Variants in PRDM15 observed in about 807,000 individuals in gnomAD.
The protein encoded by PRDM15 is PR domain zinc finger protein 15.
Under a neutral mutation model 128.6 loss-of-function variants are expected in PRDM15, and 64 were observed. That is an observed-to-expected ratio of 0.50 (90% CI 0.41 to 0.61). The LOEUF (loss-of-function observed/expected upper bound fraction) is 0.61, where lower values mean the gene tolerates loss of function less well. Ranked by LOEUF, PRDM15 falls within the 20% of genes least tolerant of loss-of-function variation. The pLI, the probability that PRDM15 is intolerant of heterozygous loss-of-function variation, is 0.00. For synonymous variants in PRDM15, 615 were observed against 621.8 expected (o/e 0.99, Z 0.16); for missense variants, 1,242 against 1,569.1 (o/e 0.79, Z 3.52).
chr21:41,809,951 G>A (rs1408159136), intron 21 of PRDM15, among the ~76,000 whole-genome samples: 5 of 152,178 alleles, frequency 3.3e-5, no homozygotes, highest in South Asian at 2.1e-4. Context: ...GCAAAGGTCC[G>A]CCTGAGGCTC....
intron 4 of PRDM15, among the ~76,000 whole-genome samples, chr21:41,855,524 G>A (rs1372084415): frequency 2.6e-5 from 4 of 152,130 alleles, no homozygotes; most frequent in Non-Finnish European, 5.9e-5. Flanking sequence ...CTCCAAAGAC[G>A]GAGCCCTTGG....
In PRDM15 at chr21:41,845,868, G is replaced by A. The variant is rs970058408; in HGVS notation, c.640+1222C>T. 2.6e-4 allele frequency among the ~76,000 whole-genome samples: 40 copies of A among 152,182 alleles called. 1 individual carries two copies. Among genetic ancestry groups the A allele is most frequent in the Admixed American group, 6.5e-4 (10 of 15,290 alleles). On this transcript the variant is annotated intron_variant, in intron 6 of 23. Transcript: ENST00000398548. Reference sequence around the variant, plus strand: ...GGCTTTGTGGAGGGGACCACCTGGCGCAAGCAGCACCCTCCCACTGTGAAG... The same window carrying A: ...GGCTTTGTGGAGGGGACCACCTGGCACAAGCAGCACCCTCCCACTGTGAAG...
intron 6 of PRDM15, among the ~76,000 whole-genome samples, chr21:41,846,277 C>A (rs1027781541): frequency 6.6e-6 from 1 of 152,224 alleles, no homozygotes; most frequent in Admixed American, 6.5e-5. Context: ...TACAGATTAG[C>A]CTCCTAAGAC....
At chr21:41,834,462 A>C in intron 11 of PRDM15, 1 of 1,517,388 alleles carries the variant, frequency 6.6e-7, no homozygotes, top group Non-Finnish European at 9.0e-7. Context: ...AGTGACAGAC[A>C]CAGAGCAGGC....
At chr21:41,865,585 G>A (rs1306377329) in intron 1 of PRDM15, among the ~76,000 whole-genome samples, 4 of 152,090 alleles carry the variant, frequency 2.6e-5, no homozygotes, top group African/African-American at 9.7e-5. Context: ...GGGTTCCACC[G>A]TCTTTCAAGA....
At position 41,800,892 on chromosome 21, in the gene PRDM15, T is replaced by A. The variant is rs2061398441; in HGVS notation, c.*348A>T. ...TTCCTAATAACTTATCTCCTGCCTCTTAAAATCCTGCTTCTCTCTCAGCTT... is the reference window on the plus strand; with the variant it reads ...TTCCTAATAACTTATCTCCTGCCTCATAAAATCCTGCTTCTCTCTCAGCTT... On this transcript the variant is annotated 3_prime_UTR_variant, in exon 24 of 24. Transcript: ENST00000398548. The A allele has an allele frequency of 3.9e-6, 1 of 253,730 alleles. No individual in the cohort carries two copies. The highest frequency in any genetic ancestry group is 1.6e-4 in the South Asian group (1 of 6,236). The allele number at this position is 253,730 out of a possible 1,614,324, so 15.7% of individuals were successfully genotyped here.
rs1332396032 is a variant in PRDM15 at position 41,828,719 on chromosome 21, G to GACCT, written c.1367-390_1367-387dup. On this transcript the variant is annotated intron_variant, in intron 11 of 23. Coordinates refer to ENST00000398548, the MANE Select transcript of PRDM15 (RefSeq NM_001040424.3). This position sits in a 1 kb window ranked among gnomAD's most constrained non-coding sequence, Gnocchi z 5.7. ...AGCATGACTGACTGACAGATAGAAT[G>GACCT]ACCTACCTACCAACCAACCAACCAA... is the stretch of plus-strand genomic sequence containing the variant. Among the ~76,000 whole-genome samples the GACCT allele has an allele frequency of 1.3e-5, 2 of 150,880 alleles. No individual in the cohort carries two copies. The highest frequency in any genetic ancestry group is 1.3e-4 in the Admixed American group (2 of 15,160).
At chr21:41,850,824 T>C (rs1044318180) in intron 5 of PRDM15, among the ~76,000 whole-genome samples, 1 of 152,214 alleles carries the variant, frequency 6.6e-6, no homozygotes, top group African/African-American at 2.4e-5. Flanking sequence ...GATGTGTTAC[T>C]GCTCCTTCAG....
intron 1 of PRDM15, chr21:41,871,718 G>T: frequency 2.2e-6 from 3 of 1,365,632 alleles, no homozygotes; most frequent in Non-Finnish European, 3.0e-6. Context: ...GTGGTCCTCT[G>T]TTGTTACCAC....
intron 21 of PRDM15, among the ~76,000 whole-genome samples, chr21:41,806,958 C>T (rs1462176147): frequency 6.6e-6 from 1 of 151,504 alleles, no homozygotes. Context: ...TCTCCACCAC[C>T]ATCATCACCA....
intron 21 of PRDM15, among the ~76,000 whole-genome samples, chr21:41,806,398 C>T (rs1601746962): frequency 2.9e-5 from 1 of 34,146 alleles, no homozygotes; most frequent in African/African-American, 7.5e-5. Context: ...CCACCATCAC[C>T]ACCACCACCA....
intron 5 of PRDM15, among the ~76,000 whole-genome samples, chr21:41,853,393 A>G (rs909566708): frequency 1.3e-5 from 2 of 152,192 alleles, no homozygotes; most frequent in Non-Finnish European, 2.9e-5. Flanking sequence ...GTCATTTGGG[A>G]GGGGGGTCAG....
Position 41,821,777 on chromosome 21 carries a change from G to A in PRDM15, c.1896+126C>T, listed in dbSNP as rs1434143069. On this transcript the variant is annotated intron_variant, in intron 15 of 23. Transcript: ENST00000398548. The surrounding 1 kb of genome is among the most constrained non-coding windows in gnomAD (Gnocchi z 5.4). ...CAGTCTGCAGTAGGACCACTGGCCG[G>A]AGCCTTTGGGGAGGGAGGGCTGCTT... 5.0e-6 allele frequency: 6 copies of A among 1,203,424 alleles called. No individual in the cohort carries two copies. The highest frequency in any genetic ancestry group is 5.9e-6 in the Non-Finnish European group (5 of 840,888). 74.5% of individuals were successfully genotyped at this position (1,203,424 alleles called of 1,614,324 possible).
Position 41,801,629 on chromosome 21 carries a change from C to T in PRDM15, c.3037G>A (p.Ala1013Thr), listed in dbSNP as rs139717863. 1.5e-5 allele frequency: 25 copies of T among 1,613,972 alleles called. No homozygotes were observed. Among genetic ancestry groups the T allele is most frequent in the Admixed American group, 1.0e-4 (6 of 59,992 alleles). Residue 1013 changes from alanine (A) to threonine (T), a missense_variant, in exon 24 of 24, where the codon GCG (alanine) becomes ACG (threonine). Ala to Thr is a moderately conservative substitution (Grantham distance 58, BLOSUM62 0). Around this residue, in one of 3 missense-constraint regions of PRDM15, gnomAD observed 602 missense variants for 788.3 expected, o/e 0.76. Coordinates refer to ENST00000398548, the MANE Select transcript of PRDM15 (RefSeq NM_001040424.3). ...GGCTGGAGATTGGTAAACTGAGTCG[C>T]GGCCGCAGTGGTGATGGGGGTCACG... ...ITVTPITTAA[A>T]TQFTNLQPVA...
chr21:41,825,301 G>A (rs1462717379), intron 13 of PRDM15, among the ~76,000 whole-genome samples: 2 of 152,266 alleles, frequency 1.3e-5, no homozygotes, highest in African/African-American at 2.4e-5. Flanking sequence ...ATGGACCCCA[G>A]GCTCTCCCGG....
In PRDM15 at chr21:41,821,765, G is replaced by T; in HGVS notation, c.1896+138C>A. On this transcript the variant is annotated intron_variant, in intron 15 of 23. Coordinates refer to ENST00000398548, the MANE Select transcript of PRDM15 (RefSeq NM_001040424.3). The surrounding 1 kb of genome is among the most constrained non-coding windows in gnomAD (Gnocchi z 5.4). ...TGGACAGGCACCCAGTCTGCAGTAG[G>T]ACCACTGGCCGGAGCCTTTGGGGAG... 9.6e-7 allele frequency: 1 copy of T among 1,042,520 alleles called. No individual in the cohort carries two copies. Among genetic ancestry groups the T allele is most frequent in the Non-Finnish European group, 1.4e-6 (1 of 704,022 alleles). The allele number at this position is 1,042,520 out of a possible 1,614,324, so 64.6% of individuals were successfully genotyped here. A position where few individuals can be genotyped will look rare whatever the true frequency, so the allele number is the denominator to read the frequency against.
intron 6 of PRDM15, among the ~76,000 whole-genome samples, chr21:41,842,456 T>C (rs911018976): frequency 6.6e-6 from 1 of 152,236 alleles, no homozygotes. Flanking sequence ...CATAAAAATG[T>C]ATTCACAACT....
chr21:41,869,839 C>T (rs73906126), intron 1 of PRDM15, among the ~76,000 whole-genome samples: 12 of 152,174 alleles, frequency 7.9e-5, no homozygotes, highest in African/African-American at 2.2e-4. Context: ...TGAGGTCCAC[C>T]TTTTTGTCTA....
In PRDM15 at chr21:41,859,614, A is replaced by T; in HGVS notation, c.109T>A (p.Ser37Thr). Residue 37 changes from serine (S) to threonine (T), a missense_variant, in exon 3 of 24, where the codon TCC (serine) becomes ACC (threonine). Physicochemically the swap from Ser to Thr is moderately conservative, Grantham distance 58. This residue lies in a region of PRDM15 where 612 missense variants were observed against 717.0 expected (regional missense o/e 0.85). Transcript: ENST00000398548. The surrounding 1 kb of genome is among the most constrained non-coding windows in gnomAD (Gnocchi z 5.3). ...CACCTTGCCCTGCTTAACACAAAGG[A>T]GTCTTTGACCATGACCACTGGGCCC... is the stretch of plus-strand genomic sequence containing the variant. ...ELGPVVMVKD[S>T]FVLSRARSSL... 1 of 1,613,886 alleles carries T rather than the reference A, an allele frequency of 6.2e-7. No homozygotes were observed. Among genetic ancestry groups the T allele is most frequent in the South Asian group, 1.1e-5 (1 of 91,068 alleles).
Sources: gnomAD v4.1 joint callset for allele counts (sites outside exome capture counted in the v4.1 genomes callset) on GRCh38, gnomAD v4.1.1 for gene constraint, gnomAD v4.1.1 regional missense constraint, Gnocchi (gnomAD v3.1) non-coding constraint, MANE v1.5 for transcripts, NCBI Gene and HGNC (gene_info 2026-07-23, HGNC 2026-07-21) for gene names.